KANK1: variants seen among roughly 807,000 people sequenced by gnomAD.
The protein encoded by KANK1 is KN motif and ankyrin repeat domain-containing protein 1.
Under a neutral mutation model 106.2 loss-of-function variants are expected in KANK1, and 109 were observed. That is an observed-to-expected ratio of 1.03 (90% CI 0.88 to 1.20). The LOEUF (loss-of-function observed/expected upper bound fraction) is 1.20, where lower values mean the gene tolerates loss of function less well. Among genes scored for constraint, KANK1 ranks in the 50% most tolerant of loss-of-function variants. The pLI is 0.00. For synonymous variants in KANK1, 873 were observed against 652.2 expected (o/e 1.34, Z -5.16); for missense variants, 2,399 against 1,710.7 (o/e 1.40, Z -7.10).
intron 1 of KANK1, among the ~76,000 whole-genome samples, chr9:522,047 T>C (rs1022290919): frequency 6.6e-6 from 1 of 151,700 alleles, no homozygotes; most frequent in African/African-American, 2.4e-5. Context: ...TTAGAAAATG[T>C]TGGCACATTT....
At chr9:542,668 A>C (rs2060675468) in intron 1 of KANK1, among the ~76,000 whole-genome samples, 1 of 152,238 alleles carries the variant, frequency 6.6e-6, no homozygotes, top group Non-Finnish European at 1.5e-5. Flanking sequence ...TCATCAGTAG[A>C]TGAATGGGTA....
chr9:669,595 A>G (rs895409862), intron 1 of KANK1, among the ~76,000 whole-genome samples: 1 of 152,146 alleles, frequency 6.6e-6, no homozygotes, highest in Non-Finnish European at 1.5e-5. Context: ...TGTGTTGCCA[A>G]CTGAAGTGGA....
At chr9:709,905 C>T (rs962165025) in intron 2 of KANK1, among the ~76,000 whole-genome samples, 7 of 152,070 alleles carry the variant, frequency 4.6e-5, no homozygotes, top group Admixed American at 1.3e-4. Context: ...GAGTGAGCAC[C>T]GTGCCCAGCC....
intron 3 of KANK1, among the ~76,000 whole-genome samples, chr9:722,338 T>A (rs893667875): frequency 2.0e-5 from 3 of 152,170 alleles, no homozygotes; most frequent in African/African-American, 7.2e-5. Context: ...TCTGTCTCTC[T>A]GTCTGTCTGC....
chr9:559,159 T>G (rs1815700090), intron 1 of KANK1, among the ~76,000 whole-genome samples: 1 of 152,206 alleles, frequency 6.6e-6, no homozygotes, highest in Non-Finnish European at 1.5e-5. Flanking sequence ...TTCCCAAAGA[T>G]TTGTCACCTT....
chr9:528,092 C>T (rs1315811023), intron 1 of KANK1, among the ~76,000 whole-genome samples: 1 of 151,000 alleles, frequency 6.6e-6, no homozygotes, highest in Non-Finnish European at 1.5e-5. Context: ...GAGATCGTGC[C>T]ACTGCACTCC....
rs2094679 is a variant in KANK1 at position 496,412 on chromosome 9, G to C, written c.-362+23139G>C. ...CTACTAAAAATACAAAAATTAGCTG[G>C]GCATGGTGGCACATATGCCTGTATG... On this transcript the variant is annotated intron_variant, in intron 3 of 15. Coordinates refer to the KANK1 transcript ENST00000382303. 7.9e-3 allele frequency among the ~76,000 whole-genome samples: 1,199 copies of C among 152,172 alleles called. 19 individuals carry two copies. Among genetic ancestry groups the C allele is most frequent in the African/African-American group, 0.027 (1,101 of 41,500 alleles).
At position 535,526 on chromosome 9, in the gene KANK1, G is replaced by C. The variant is rs146285545; in HGVS notation, c.-84+30772G>C. On this transcript the variant is annotated intron_variant, in intron 1 of 11. Transcript: ENST00000382297. The stretch of plus-strand genomic sequence containing the variant: ...TGATCATCTCCAAGTGACGTTCAGA[G>C]AGGTGGTCTGCCCCAGGTCACAGGG... Among the ~76,000 whole-genome samples, 4 of 152,308 alleles carry C rather than the reference G, an allele frequency of 2.6e-5. No individual in the cohort carries two copies. In the East Asian group the frequency reaches 7.7e-4, roughly 29 times the overall value.
intron 1 of KANK1, among the ~76,000 whole-genome samples, chr9:525,232 T>TA (rs1259782605): frequency 6.6e-6 from 1 of 151,420 alleles, no homozygotes; most frequent in Non-Finnish European, 1.5e-5. Flanking sequence ...TGCCCTCAGG[T>TA]AATCCACCCA....
intron 1 of KANK1, among the ~76,000 whole-genome samples, chr9:654,938 A>T (rs1841793192): frequency 6.6e-6 from 1 of 152,168 alleles, no homozygotes; most frequent in Non-Finnish European, 1.5e-5. Flanking sequence ...ACACGTTTTG[A>T]GAACCACTGG....
chr9:712,771 G>A lies in KANK1; in HGVS notation c.2005G>A (p.Ala669Thr), dbSNP rs1206947843. Residue 669 changes from alanine (A) to threonine (T), a missense_variant, in exon 3 of 12, where the codon GCA becomes ACA. Ala to Thr is a moderately conservative substitution (Grantham distance 58). Transcript: ENST00000382297. ...EAAVMAVPRT[A>T]DQDTSTDLEQ... is the part of the protein sequence containing the mutation. ...TGCCGTCATGGCAGTGCCTCGTACT[G>A]CAGACCAGGACACTAGCACAGATTT... 6.2e-7 allele frequency: 1 copy of A among 1,613,864 alleles called. No individual in the cohort carries two copies. The highest frequency in any genetic ancestry group is 8.5e-7 in the Non-Finnish European group (1 of 1,179,876).
chr9:608,840 C>T (rs1829927543), intron 1 of KANK1, among the ~76,000 whole-genome samples: 1 of 152,014 alleles, frequency 6.6e-6, no homozygotes, highest in Non-Finnish European at 1.5e-5. Flanking sequence ...TGAACTAAGC[C>T]AATGTTGAGA....
At chr9:590,601 T>C (rs1824619589) in intron 1 of KANK1, among the ~76,000 whole-genome samples, 3 of 149,220 alleles carry the variant, frequency 2.0e-5, no homozygotes, top group Admixed American at 6.6e-5. Flanking sequence ...TATGTAACTT[T>C]ACCACCATTA....
At chr9:603,217 A>T (rs750021953) in intron 1 of KANK1, among the ~76,000 whole-genome samples, 5 of 151,848 alleles carry the variant, frequency 3.3e-5, no homozygotes, top group Non-Finnish European at 5.9e-5. Flanking sequence ...TCCCTGGGGC[A>T]CATTAATTTG....
chr9:577,257 T>C (rs1820818408), intron 1 of KANK1, among the ~76,000 whole-genome samples: 1 of 152,202 alleles, frequency 6.6e-6, no homozygotes, highest in Non-Finnish European at 1.5e-5. Context: ...TGGTCCATTT[T>C]ACAGAGTGCT....
At chr9:719,986 C>G (rs972881068) in intron 3 of KANK1, among the ~76,000 whole-genome samples, 2 of 152,154 alleles carry the variant, frequency 1.3e-5, no homozygotes, top group Non-Finnish European at 2.9e-5. Flanking sequence ...TCATTATAGT[C>G]ATCTCATTTG....
intron 1 of KANK1, among the ~76,000 whole-genome samples, chr9:614,180 C>A (rs906573221): frequency 1.3e-5 from 2 of 152,140 alleles, no homozygotes; most frequent in African/African-American, 4.8e-5. Context: ...GACAAGAGTT[C>A]ACAAACCAGC....
chr9:542,088 C>CA (rs57603321), intron 1 of KANK1, among the ~76,000 whole-genome samples: 7,942 of 136,886 alleles, frequency 0.058, 212 homozygotes, highest in Non-Finnish European at 0.064. Flanking sequence ...GACTCCGTCT[C>CA]AAAAAAAAAA....
chr9:492,765 C>T (rs2058397980), intron 3 of KANK1, among the ~76,000 whole-genome samples: 2 of 151,994 alleles, frequency 1.3e-5, no homozygotes, highest in East Asian at 1.9e-4. Flanking sequence ...TGTCATATGC[C>T]TATAATCCCA....
Sources: allele counts gnomAD v4.1 joint callset (sites outside exome capture counted in the v4.1 genomes callset), GRCh38; gene constraint gnomAD v4.1.1; transcripts MANE v1.5; gene names NCBI Gene and HGNC (gene_info 2026-07-23, HGNC 2026-07-21).